The following CDC14B variants were observed in gnomAD, a reference collection of about 807,000 sequenced individuals.
The protein encoded by CDC14B is dual specificity protein phosphatase CDC14B.
In CDC14B, 22 loss-of-function variants were observed where a neutral mutation model predicts 64.2. That is an observed-to-expected ratio of 0.34 (90% CI 0.24 to 0.49). The LOEUF is 0.49. Among genes scored for constraint, CDC14B ranks in the 20% least tolerant of loss-of-function variants. CDC14B has a pLI of 0.99. For synonymous variants in CDC14B, 191 were observed against 215.8 expected (o/e 0.89, Z 1.01); for missense variants, 498 against 629.9 (o/e 0.79, Z 2.24).
chr9:96,566,802 G>T, intron 1 of CDC14B: 1 of 1,606,480 alleles, frequency 6.2e-7, no homozygotes, highest in Non-Finnish European at 8.5e-7. Flanking sequence ...CTGCCCCCGC[G>T]CCCTCCCGGC....
At chr9:96,574,822 T>C (rs531879146) in intron 1 of CDC14B, among the ~76,000 whole-genome samples, 1 of 151,234 alleles carries the variant, frequency 6.6e-6, no homozygotes, top group Non-Finnish European at 1.5e-5. Context: ...CAATAAAGTG[T>C]CAGTATTTAG....
At chr9:96,552,961 CTTTTT>C (rs1842021380) in intron 4 of CDC14B, among the ~76,000 whole-genome samples, 9 of 152,236 alleles carry the variant, frequency 5.9e-5, no homozygotes, top group African/African-American at 1.9e-4. Context: ...TAATTGCAAA[CTTTTT>C]ATCTCCATTA....
chr9:96,584,025 G>C (rs1047235577), intron 1 of CDC14B, among the ~76,000 whole-genome samples: 4 of 152,120 alleles, frequency 2.6e-5, no homozygotes, highest in Non-Finnish European at 5.9e-5. Context: ...GCGGTTGTGA[G>C]GATTTCTGAT....
At chr9:96,525,896 T>A (rs1185111212) in intron 9 of CDC14B, among the ~76,000 whole-genome samples, 1 of 152,150 alleles carries the variant, frequency 6.6e-6, no homozygotes, top group East Asian at 1.9e-4. Flanking sequence ...TGAAGGGACA[T>A]AAATTTGAGG....
intron 1 of CDC14B, among the ~76,000 whole-genome samples, chr9:96,573,068 G>T (rs1321575104): frequency 6.6e-6 from 1 of 152,196 alleles, no homozygotes; most frequent in Admixed American, 6.5e-5. Context: ...CAGCACTTTG[G>T]GAGGCCGAGG....
At chr9:96,579,861 GA>G (rs1427486552) in intron 1 of CDC14B, among the ~76,000 whole-genome samples, 1 of 152,172 alleles carries the variant, frequency 6.6e-6, no homozygotes, top group Non-Finnish European at 1.5e-5. Context: ...AGAGAAAAGT[GA>G]AACTGTGAGG....
chr9:96,533,693 A>T (rs1838849030), intron 9 of CDC14B, among the ~76,000 whole-genome samples: 1 of 152,228 alleles, frequency 6.6e-6, no homozygotes, highest in Admixed American at 6.5e-5. Context: ...ATTATATAGG[A>T]TGCACCCAAT....
Position 96,542,610 on chromosome 9 carries a change from TC to T in CDC14B, c.498-719del, listed in dbSNP as rs543684380. Among the ~76,000 whole-genome samples, 4 of 151,900 alleles carry T rather than the reference TC, an allele frequency of 2.6e-5. No individual in the cohort carries two copies. In the East Asian group the frequency reaches 7.7e-4, roughly 29 times the overall value. The stretch of plus-strand genomic sequence containing the variant: ...TTTAAGTGATCCTCCCACCTCAGTG[TC>T]CCCAGTAGCAAGGACCACAGGCATG... On this transcript the variant is annotated intron_variant, in intron 5 of 13. Coordinates refer to ENST00000375241, the MANE Select transcript of CDC14B (RefSeq NM_033331.4).
intron 5 of CDC14B, among the ~76,000 whole-genome samples, chr9:96,542,124 T>C (rs891321411): frequency 2.0e-5 from 3 of 152,234 alleles, no homozygotes; most frequent in Admixed American, 6.5e-5. Flanking sequence ...TAATGACCAC[T>C]TCCTAAATTT....
chr9:96,614,925 C>T (rs1847530284), intron 1 of CDC14B, among the ~76,000 whole-genome samples: 1 of 152,174 alleles, frequency 6.6e-6, no homozygotes. Context: ...ACTGCAACTT[C>T]CATCTCCCTG....
intron 13 of CDC14B, among the ~76,000 whole-genome samples, chr9:96,505,822 C>T (rs999754762): frequency 1.3e-5 from 2 of 152,140 alleles, no homozygotes; most frequent in Non-Finnish European, 2.9e-5. Flanking sequence ...ATTTAGGTTT[C>T]GATGTGGCAC....
intron 1 of CDC14B, among the ~76,000 whole-genome samples, chr9:96,592,812 A>G (rs778784163): frequency 6.6e-6 from 1 of 152,134 alleles, no homozygotes; most frequent in Non-Finnish European, 1.5e-5. Context: ...AAACAAGGAC[A>G]TTAATAAAGT....
At chr9:96,556,354 A>T (rs1217934281) in intron 4 of CDC14B, among the ~76,000 whole-genome samples, 1 of 152,088 alleles carries the variant, frequency 6.6e-6, no homozygotes, top group African/African-American at 2.4e-5. Flanking sequence ...AAAAAAAAAA[A>T]TCACTCTCTC....
At chr9:96,598,902 G>C (rs1846252578) in intron 1 of CDC14B, among the ~76,000 whole-genome samples, 1 of 152,136 alleles carries the variant, frequency 6.6e-6, no homozygotes, top group Non-Finnish European at 1.5e-5. Context: ...ATTATAAAGT[G>C]AAATTCTATG....
At chr9:96,491,313 A>G (rs985547678) in exon 14 of CDC14B, 2 of 152,224 alleles carry the variant, frequency 1.3e-5, no homozygotes, top group African/African-American at 4.8e-5. Context: ...CCAAGTGCAA[A>G]TAAAGGTTGG....
chr9:96,602,948 A>T (rs1292651074), intron 1 of CDC14B, among the ~76,000 whole-genome samples: 2 of 152,082 alleles, frequency 1.3e-5, no homozygotes, highest in Non-Finnish European at 2.9e-5. Context: ...CACCAAGGCT[A>T]TTATCACCAC....
chr9:96,577,134 C>T (rs1844861836), intron 1 of CDC14B, among the ~76,000 whole-genome samples: 1 of 151,752 alleles, frequency 6.6e-6, no homozygotes, highest in African/African-American at 2.4e-5. Context: ...GCCTGTAATC[C>T]CGGTTTCTCG....
At chr9:96,518,912 A>G (rs865964522) in intron 12 of CDC14B, among the ~76,000 whole-genome samples, 8 of 152,160 alleles carry the variant, frequency 5.3e-5, no homozygotes, top group Admixed American at 2.6e-4. Flanking sequence ...CAAGGTGGGC[A>G]GATCACGAGG....
At chr9:96,587,690 G>A (rs571789842) in intron 1 of CDC14B, among the ~76,000 whole-genome samples, 27 of 152,316 alleles carry the variant, frequency 1.8e-4, no homozygotes, top group African/African-American at 6.0e-4. Flanking sequence ...ATAGGTCTTA[G>A]CACCCTTATT....
Sources: allele counts gnomAD v4.1 joint callset (sites outside exome capture counted in the v4.1 genomes callset), GRCh38; gene constraint gnomAD v4.1.1; transcripts MANE v1.5; gene names NCBI Gene and HGNC (gene_info 2026-07-23, HGNC 2026-07-21).